The following CAB39 variants were observed in gnomAD, a reference collection of about 807,000 sequenced individuals.
CAB39 encodes the protein calcium binding protein 39.
Under a neutral mutation model 40.0 loss-of-function variants are expected in CAB39, and 8 were observed. The ratio of observed to expected loss-of-function variants is 0.20; its 90% CI spans 0.12 to 0.36. The LOEUF (loss-of-function observed/expected upper bound fraction) is 0.36. Ranked by LOEUF, CAB39 falls within the 10% of genes least tolerant of loss-of-function variation. The probability of loss-of-function intolerance (pLI) is 1.00; values close to 1 mark genes in which losing one functional copy is unlikely to be tolerated. For missense variants in CAB39, 270 were observed against 401.1 expected, an observed-to-expected ratio of 0.67 and a Z score of 2.79; for synonymous variants, 156 against 141.6, an observed-to-expected ratio of 1.10 and a Z score of -0.72.
At position 230,818,542 on chromosome 2, in the gene CAB39, G is replaced by A. The variant is rs113813366; in HGVS notation, c.864G>A (p.Thr288=). The A allele has an allele frequency of 2.2e-5, 35 of 1,613,840 alleles. No homozygotes were observed. Among genetic ancestry groups the A allele is most frequent in the African/African-American group, 6.7e-5 (5 of 74,890 alleles). The change falls in exon 9 of 9, where the codon ACG becomes ACA. Residue 288 remains threonine, a synonymous_variant. Transcript: ENST00000258418. ...TGTTTGTAGCCAATCCTAACAAGAC[G>A]CAGCCCATCCTAGACATCCTCCTCA... is the stretch of plus-strand genomic sequence containing the variant. ...FKVFVANPNK[T]QPILDILLKN...
chr2:230,786,680 A>C (rs989128240), intron 2 of CAB39, among the ~76,000 whole-genome samples: 10 of 152,202 alleles, frequency 6.6e-5, no homozygotes, highest in Non-Finnish European at 1.2e-4. Context: ...CCAGAGAAGC[A>C]AAGGAGGCTG....
At chr2:230,727,398 G>GTGTGTGTT (rs760656084) in intron 1 of CAB39, among the ~76,000 whole-genome samples, 43 of 124,644 alleles carry the variant, frequency 3.4e-4, no homozygotes, top group African/African-American at 1.0e-3. Flanking sequence ...GTGTGTGTGT[G>GTGTGTGTT]TATTTTTTTT....
chr2:230,759,905 C>CT, intron 1 of CAB39, 54 bp from the exon 2 acceptor site: 1 of 611,406 alleles, frequency 1.6e-6, no homozygotes, highest in Non-Finnish European at 2.9e-6. Context: ...TTTAGAAAGT[C>CT]TGTCTTCCGT....
intron 2 of CAB39, among the ~76,000 whole-genome samples, chr2:230,772,903 G>A (rs1176320210): frequency 6.7e-6 from 1 of 150,220 alleles, no homozygotes; most frequent in African/African-American, 2.5e-5. Context: ...AATGTTCATA[G>A]CGGCCTTATT....
chr2:230,757,951 G>A (rs1188710159), intron 1 of CAB39, among the ~76,000 whole-genome samples: 5 of 152,052 alleles, frequency 3.3e-5, no homozygotes, highest in Non-Finnish European at 5.9e-5. Context: ...CTCCCCTAAC[G>A]TCAGTTCAAA....
chr2:230,732,274 G>T (rs1694706448), intron 1 of CAB39, among the ~76,000 whole-genome samples: 1 of 152,136 alleles, frequency 6.6e-6, no homozygotes, highest in Non-Finnish European at 1.5e-5. Context: ...AGTGGAGACG[G>T]TGTTTCACTG....
chr2:230,748,583 A>G (rs1449709087), intron 1 of CAB39, among the ~76,000 whole-genome samples: 1 of 151,858 alleles, frequency 6.6e-6, no homozygotes, highest in Non-Finnish European at 1.5e-5. Context: ...AGGCGGGTCA[A>G]TCACTTGAGG....
chr2:230,779,712 C>T (rs1195326129), intron 2 of CAB39, among the ~76,000 whole-genome samples: 3 of 152,038 alleles, frequency 2.0e-5, no homozygotes, highest in African/African-American at 7.3e-5. Flanking sequence ...TTTCCAAAGC[C>T]CTTGAATGTG....
At chr2:230,779,827 G>C (rs1474114342) in intron 2 of CAB39, among the ~76,000 whole-genome samples, 1 of 152,240 alleles carries the variant, frequency 6.6e-6, no homozygotes, top group African/African-American at 2.4e-5. Context: ...AGAGTCATGG[G>C]AGGGAGGAGA....
chr2:230,763,095 A>G lies in CAB39; in HGVS notation c.114+2980A>G, dbSNP rs188233196. Among the ~76,000 whole-genome samples, 159 of 152,380 alleles carry G rather than the reference A, an allele frequency of 1.0e-3. 1 individual carries two copies. The highest frequency in any genetic ancestry group is 0.01 in the South Asian group (50 of 4,832). On this transcript the variant is annotated intron_variant, in intron 2 of 8. Coordinates refer to ENST00000258418, the MANE Select transcript of CAB39 (RefSeq NM_016289.4). ...ATATTTATTAATACATTTAAAAGTA[A>G]TAAACTCATTACAAGTTATAAATAA... is the stretch of plus-strand genomic sequence containing the variant.
chr2:230,728,861 C>T (rs1694634133), intron 1 of CAB39, among the ~76,000 whole-genome samples: 1 of 152,194 alleles, frequency 6.6e-6, no homozygotes, highest in Non-Finnish European at 1.5e-5. Flanking sequence ...AGTCCTCCTG[C>T]CTTGTCCTCC....
At chr2:230,745,345 T>C (rs542538466) in intron 1 of CAB39, among the ~76,000 whole-genome samples, 18 of 152,320 alleles carry the variant, frequency 1.2e-4, no homozygotes, top group African/African-American at 3.8e-4. Flanking sequence ...AATCTTTTTT[T>C]GTAAGTGTTC....
intron 1 of CAB39, among the ~76,000 whole-genome samples, chr2:230,753,840 C>G (rs1695133721): frequency 6.6e-6 from 1 of 151,804 alleles, no homozygotes; most frequent in South Asian, 2.1e-4. Context: ...ATATCTATTT[C>G]TGTTCATTTT....
At position 230,771,947 on chromosome 2, in the gene CAB39, A is replaced by G. The variant is rs1695489859; in HGVS notation, c.114+11832A>G. Among the ~76,000 whole-genome samples, 2 of 152,262 alleles carry G rather than the reference A, an allele frequency of 1.3e-5. 1 individual carries two copies. Among genetic ancestry groups the G allele is most frequent in the Non-Finnish European group, 2.9e-5 (2 of 68,054 alleles). ...TTTAAAAATTAACTCAAAATGGATC[A>G]CATAGCCAAATGTAAGACCTAAAAT... On this transcript the variant is annotated intron_variant, in intron 2 of 8. Coordinates refer to ENST00000258418, the MANE Select transcript of CAB39 (RefSeq NM_016289.4).
intron 2 of CAB39, among the ~76,000 whole-genome samples, chr2:230,783,202 C>T (rs918045867): frequency 1.3e-5 from 2 of 152,164 alleles, no homozygotes; most frequent in African/African-American, 2.4e-5. Context: ...GACTTGTCCA[C>T]ACTATGAGCT....
chr2:230,754,358 C>A (rs1016763025), intron 1 of CAB39, among the ~76,000 whole-genome samples: 1 of 146,454 alleles, frequency 6.8e-6, no homozygotes. Context: ...CCTTCCTCTT[C>A]TTCCGTCCCC....
chr2:230,749,007 G>T (rs1379117556), intron 1 of CAB39, among the ~76,000 whole-genome samples: 5 of 141,788 alleles, frequency 3.5e-5, no homozygotes, highest in Non-Finnish European at 6.0e-5. Context: ...CCCCGCCCCC[G>T]TGTTTTTTTT....
intron 1 of CAB39, among the ~76,000 whole-genome samples, chr2:230,758,318 T>A (rs1017437639): frequency 1.4e-4 from 19 of 137,136 alleles, no homozygotes; most frequent in South Asian, 6.7e-4. Context: ...AAAAAAAAAA[T>A]CCTTGGATAT....
intron 1 of CAB39, among the ~76,000 whole-genome samples, chr2:230,720,228 T>C (rs1159099518): frequency 6.6e-6 from 1 of 152,062 alleles, no homozygotes; most frequent in Non-Finnish European, 1.5e-5. Flanking sequence ...GAACCAAAAA[T>C]GTAGAATTAA....
Sources: gnomAD v4.1 joint callset for allele counts (sites outside exome capture counted in the v4.1 genomes callset) on GRCh38, gnomAD v4.1.1 for gene constraint, MANE v1.5 for transcripts, NCBI Gene and HGNC (gene_info 2026-07-23, HGNC 2026-07-21) for gene names.